Variants in SPIDR observed in about 807,000 individuals in gnomAD.
The protein encoded by SPIDR is scaffold protein involved in DNA repair.
SPIDR carries 93 observed loss-of-function variants against 104.6 expected under a neutral mutation model. The ratio of observed to expected loss-of-function variants is 0.89; its 90% CI spans 0.75 to 1.06. SPIDR has a LOEUF of 1.06. SPIDR is among the 50% of genes least tolerant of loss of function. SPIDR has a pLI of 0.00. For missense variants in SPIDR, 1,154 were observed against 1,111.2 expected, an observed-to-expected ratio of 1.04 and a Z score of -0.55; for synonymous variants, 431 against 416.9, an observed-to-expected ratio of 1.03 and a Z score of -0.41.
chr8:47,455,420 CA>C (rs200256035), intron 8 of SPIDR, among the ~76,000 whole-genome samples: 1 of 147,954 alleles, frequency 6.8e-6, no homozygotes, highest in Admixed American at 6.7e-5. Context: ...CACAGACACA[CA>C]AAAAAAACAG....
intron 5 of SPIDR, among the ~76,000 whole-genome samples, chr8:47,302,349 G>GT (rs1349249824): frequency 6.6e-5 from 10 of 151,352 alleles, no homozygotes; most frequent in East Asian, 1.9e-4. Context: ...CATTTGTCTC[G>GT]TTTTTTTCCA....
At position 47,712,794 on chromosome 8, in the gene SPIDR, C is replaced by T; in HGVS notation, c.2110C>T (p.Leu704=). 3 of 1,614,144 alleles carry T rather than the reference C, an allele frequency of 1.9e-6. No homozygotes were observed. Among genetic ancestry groups the T allele is most frequent in the Middle Eastern group, 1.7e-4 (1 of 6,056 alleles). ...GGTCTATGTGGCCCCCTTGTGTGTGCTGGGCTCTGAAGTCCTGGAGGCACT... is the reference window on the plus strand; with the variant it reads ...GGTCTATGTGGCCCCCTTGTGTGTGTTGGGCTCTGAAGTCCTGGAGGCACT... ...LLVYVAPLCV[L]GSEVLEALAG... is the part of the protein sequence containing the mutation. Residue 704 remains leucine, a synonymous_variant, in exon 15 of 20, where the codon CTG becomes TTG. Coordinates refer to ENST00000297423, the MANE Select transcript of SPIDR (RefSeq NM_001080394.4).
At chr8:47,696,041 G>A (rs770323503) in intron 11 of SPIDR, among the ~76,000 whole-genome samples, 4 of 152,138 alleles carry the variant, frequency 2.6e-5, no homozygotes, top group Non-Finnish European at 5.9e-5. Context: ...GAGTGATGCT[G>A]GGGCTGCCTT....
intron 5 of SPIDR, among the ~76,000 whole-genome samples, chr8:47,349,986 G>T (rs12543823): frequency 3.3e-5 from 5 of 152,010 alleles, no homozygotes; most frequent in African/African-American, 9.7e-5. Flanking sequence ...CCACTGTCCA[G>T]CCAGTCCCAG....
intron 7 of SPIDR, 67 bp from the exon 8 acceptor site, chr8:47,440,256 T>C: frequency 7.1e-7 from 1 of 1,404,280 alleles, no homozygotes; most frequent in Admixed American, 1.9e-5. Context: ...TTCATGACAC[T>C]TTATTCACGC....
intron 8 of SPIDR, among the ~76,000 whole-genome samples, chr8:47,559,295 C>G (rs996252966): frequency 9.2e-4 from 140 of 152,340 alleles, no homozygotes; most frequent in African/African-American, 3.3e-3. Context: ...AAATGTGTTA[C>G]ATTTAACCAT....
At chr8:47,298,860 TGTA>T (rs1164872623) in intron 5 of SPIDR, among the ~76,000 whole-genome samples, 1 of 152,038 alleles carries the variant, frequency 6.6e-6, no homozygotes, top group East Asian at 1.9e-4. Context: ...ACTGTAGCCT[TGTA>T]GTATAGTTTG....
At chr8:47,694,564 T>C (rs1461532661) in intron 11 of SPIDR, among the ~76,000 whole-genome samples, 1 of 152,146 alleles carries the variant, frequency 6.6e-6, no homozygotes, top group Non-Finnish European at 1.5e-5. Flanking sequence ...AGGCCAAACA[T>C]TGGAGACCAG....
chr8:47,286,203 GTC>G (rs1276756323), intron 3 of SPIDR, among the ~76,000 whole-genome samples: 5 of 152,090 alleles, frequency 3.3e-5, no homozygotes, highest in Non-Finnish European at 7.4e-5. Flanking sequence ...GCAACTGCAG[GTC>G]TCTCTGACTT....
chr8:47,727,326 G>A (rs1477955358), intron 17 of SPIDR, 33 bp downstream of exon 17: 1 of 1,600,854 alleles, frequency 6.2e-7, no homozygotes, highest in Admixed American at 1.7e-5. Context: ...GAAAGCCCTA[G>A]AACTGAAAGG....
At chr8:47,585,989 C>T (rs985086410) in intron 8 of SPIDR, among the ~76,000 whole-genome samples, 11 of 152,268 alleles carry the variant, frequency 7.2e-5, no homozygotes, top group Middle Eastern at 3.4e-3. Flanking sequence ...ATATGCTCTC[C>T]ACTTCTTTAG....
chr8:47,411,248 A>G (rs1290013219), intron 7 of SPIDR, among the ~76,000 whole-genome samples: 2 of 152,230 alleles, frequency 1.3e-5, no homozygotes, highest in African/African-American at 2.4e-5. Flanking sequence ...GACTTCCACA[A>G]TGATTGAACT....
intron 8 of SPIDR, among the ~76,000 whole-genome samples, chr8:47,549,094 A>G (rs1371768919): frequency 1.3e-5 from 2 of 152,224 alleles, no homozygotes; most frequent in African/African-American, 4.8e-5. Flanking sequence ...AACAAAGGAC[A>G]TGAACTCATC....
chr8:47,407,582 G>T (rs568863856), intron 6 of SPIDR, among the ~76,000 whole-genome samples: 1 of 152,120 alleles, frequency 6.6e-6, no homozygotes, highest in Admixed American at 6.6e-5. Flanking sequence ...AGAAAAATAG[G>T]TAAGCTGATA....
At chr8:47,290,029 T>G (rs1459836618) in intron 3 of SPIDR, among the ~76,000 whole-genome samples, 1 of 152,156 alleles carries the variant, frequency 6.6e-6, no homozygotes, top group Non-Finnish European at 1.5e-5. Flanking sequence ...TGATTTTATT[T>G]ATATAACCTT....
chr8:47,389,464 C>G lies in SPIDR; in HGVS notation c.526-6912C>G, dbSNP rs533702775. On this transcript the variant is annotated intron_variant, in intron 5 of 19. Transcript: ENST00000297423. ...CAGCACTTTGGGAGGCCGAGGCGGG[C>G]AGATCACGAGGTCAGGAGATCAAGA... Among the ~76,000 whole-genome samples, 31 of 152,006 alleles carry G rather than the reference C, an allele frequency of 2.0e-4. No homozygotes were observed. In the South Asian group the frequency reaches 6.4e-3, roughly 32 times the overall value.
At chr8:47,405,439 A>G (rs1046356777) in intron 6 of SPIDR, among the ~76,000 whole-genome samples, 1 of 152,162 alleles carries the variant, frequency 6.6e-6, no homozygotes, top group African/African-American at 2.4e-5. Context: ...TATTGTATTT[A>G]CAGTCATTTT....
At chr8:47,384,899 A>G (rs1383863014) in intron 5 of SPIDR, among the ~76,000 whole-genome samples, 4 of 152,132 alleles carry the variant, frequency 2.6e-5, no homozygotes, top group Non-Finnish European at 5.9e-5. Flanking sequence ...CTAGTTACTT[A>G]ACAGATTGAA....
At chr8:47,290,679 T>G (rs1415670223) in intron 3 of SPIDR, among the ~76,000 whole-genome samples, 2 of 152,226 alleles carry the variant, frequency 1.3e-5, no homozygotes, top group African/African-American at 4.8e-5. Flanking sequence ...CTTTGTGTTT[T>G]GCATTTTAAA....
Sources: allele counts gnomAD v4.1 joint callset (sites outside exome capture counted in the v4.1 genomes callset), GRCh38; gene constraint gnomAD v4.1.1; transcripts MANE v1.5; gene names NCBI Gene and HGNC (gene_info 2026-07-23, HGNC 2026-07-21).